Variants in KLF12 observed in about 807,000 individuals in gnomAD.
KLF12 encodes the protein Krueppel-like factor 12.
In KLF12, 9 loss-of-function variants were observed where a neutral mutation model predicts 37.8. The ratio of observed to expected loss-of-function variants is 0.24; its 90% CI spans 0.14 to 0.42. The LOEUF (loss-of-function observed/expected upper bound fraction) is 0.42, where lower values mean the gene tolerates loss of function less well. Among genes scored for constraint, KLF12 ranks in the 10% least tolerant of loss-of-function variants. The pLI, the probability that KLF12 is intolerant of heterozygous loss-of-function variation, is 1.00. For synonymous variants in KLF12, 208 were observed against 202.1 expected (o/e 1.03, Z -0.25); for missense variants, 411 against 516.0 (o/e 0.80, Z 1.97).
chr13:74,267,559 G>T, the KLF12 span, among the ~76,000 whole-genome samples: 1 of 152,194 alleles, frequency 6.6e-6, no homozygotes, highest in African/African-American at 2.4e-5. Context: ...AGAGTAGAAT[G>T]ATGGCTACCA....
At chr13:73,779,791 T>C (rs1880847351) in intron 5 of KLF12, among the ~76,000 whole-genome samples, 1 of 152,208 alleles carries the variant, frequency 6.6e-6, no homozygotes, top group Non-Finnish European at 1.5e-5. Flanking sequence ...TAGCTAGCAT[T>C]AGAATTTAAT....
intron 6 of KLF12, among the ~76,000 whole-genome samples, chr13:73,721,248 A>T (rs1876222760): frequency 6.6e-6 from 1 of 152,244 alleles, no homozygotes; most frequent in Admixed American, 6.5e-5. Context: ...TGAGTGGTTG[A>T]TTCCAGAACT....
chr13:73,953,122 TA>T (rs1457668641), intron 2 of KLF12, among the ~76,000 whole-genome samples: 1 of 152,198 alleles, frequency 6.6e-6, no homozygotes, highest in Non-Finnish European at 1.5e-5. Flanking sequence ...AATCCTCCTA[TA>T]TCCCTCAAAG....
intron 7 of KLF12, among the ~76,000 whole-genome samples, chr13:73,702,277 A>AT (rs1432439256): frequency 6.6e-6 from 1 of 152,180 alleles, no homozygotes; most frequent in Non-Finnish European, 1.5e-5. Flanking sequence ...AAAGAAAAGG[A>AT]TTAAGAGTCA....
At chr13:74,020,790 CT>C (rs1227086448) in intron 1 of KLF12, among the ~76,000 whole-genome samples, 1 of 151,742 alleles carries the variant, frequency 6.6e-6, no homozygotes. Context: ...ACTCGGGAGG[CT>C]GAGGCAGGAG....
At position 73,695,508 on chromosome 13, in the gene KLF12, C is replaced by T; in HGVS notation, c.1191G>A (p.Arg397=). Residue 397 remains arginine, a synonymous_variant, in exon 8 of 8, where the codon CGG becomes CGA. Coordinates refer to ENST00000377669, the MANE Select transcript of KLF12 (RefSeq NM_007249.5). Reference sequence around the variant, plus strand: ...GCATTCCTCACACCAACATATGCCTCCGGCGGTGCAGGGCCAAATGATCTG... The same window carrying T: ...GCATTCCTCACACCAACATATGCCTTCGGCGGTGCAGGGCCAAATGATCTG... 1.2e-5 allele frequency: 19 copies of T among 1,613,922 alleles called. No homozygotes were observed. The highest frequency in any genetic ancestry group is 1.6e-5 in the Non-Finnish European group (19 of 1,179,944).
chr13:74,147,580 G>T, the KLF12 span, among the ~76,000 whole-genome samples: 2 of 152,130 alleles, frequency 1.3e-5, no homozygotes, highest in African/African-American at 2.4e-5. Flanking sequence ...CATGAGTTTC[G>T]AAATGCTCCT....
At chr13:73,898,142 T>C (rs1218951801) in intron 3 of KLF12, among the ~76,000 whole-genome samples, 1 of 152,184 alleles carries the variant, frequency 6.6e-6, no homozygotes, top group Non-Finnish European at 1.5e-5. Context: ...CTCCAAAACC[T>C]GAAGTATTCA....
the KLF12 span, among the ~76,000 whole-genome samples, chr13:74,232,508 C>A: frequency 1.2e-4 from 19 of 152,090 alleles, no homozygotes; most frequent in Non-Finnish European, 4.4e-5. Flanking sequence ...ATATCTTTTT[C>A]CATGCTCTCA....
At chr13:74,102,824 G>A (rs1156485358) in intron 1 of KLF12, among the ~76,000 whole-genome samples, 1 of 152,216 alleles carries the variant, frequency 6.6e-6, no homozygotes, top group Non-Finnish European at 1.5e-5. Flanking sequence ...AGATTGGTGA[G>A]TATGAAAAGA....
chr13:74,057,378 C>G (rs751058339), intron 1 of KLF12, among the ~76,000 whole-genome samples: 1 of 152,184 alleles, frequency 6.6e-6, no homozygotes, highest in Non-Finnish European at 1.5e-5. Flanking sequence ...CGAGAGGGAA[C>G]TGTGACCTCC....
intron 1 of KLF12, among the ~76,000 whole-genome samples, chr13:74,097,229 T>C (rs1876032080): frequency 1.3e-5 from 2 of 152,210 alleles, no homozygotes; most frequent in South Asian, 4.1e-4. Context: ...GGTTTCTTTT[T>C]TGAGTTCCCA....
chr13:74,068,880 A>G (rs533801991), intron 1 of KLF12, among the ~76,000 whole-genome samples: 2 of 152,194 alleles, frequency 1.3e-5, no homozygotes, highest in African/African-American at 4.8e-5. Flanking sequence ...TAATGAAGGT[A>G]TGTATACATC....
the KLF12 span, among the ~76,000 whole-genome samples, chr13:74,170,071 C>T: frequency 6.6e-6 from 1 of 152,074 alleles, no homozygotes. Context: ...TTTTAACATC[C>T]ACATTTACAC....
chr13:73,895,714 T>A (rs763978160), intron 3 of KLF12, among the ~76,000 whole-genome samples: 1 of 151,984 alleles, frequency 6.6e-6, no homozygotes, highest in Non-Finnish European at 1.5e-5. Context: ...CTGACTGAGA[T>A]GGAGGGAATG....
chr13:73,976,637 T>G (rs1216791608), intron 2 of KLF12, among the ~76,000 whole-genome samples: 4 of 152,180 alleles, frequency 2.6e-5, no homozygotes, highest in Non-Finnish European at 5.9e-5. Context: ...CTCCTGCTTA[T>G]AATTTTTTAA....
chr13:74,070,646 A>G (rs998088813), intron 1 of KLF12, among the ~76,000 whole-genome samples: 6 of 152,196 alleles, frequency 3.9e-5, no homozygotes, highest in African/African-American at 1.4e-4. Flanking sequence ...GAAGAAGCTG[A>G]TAAGAGTTCT....
chr13:73,823,311 A>G (rs1883639431), intron 4 of KLF12, among the ~76,000 whole-genome samples: 1 of 152,258 alleles, frequency 6.6e-6, no homozygotes, highest in African/African-American at 2.4e-5. Context: ...CTCGAACTTA[A>G]GTCTGCTTTT....
At chr13:74,134,850 C>CG (rs1401120437), upstream of KLF12, among the ~76,000 whole-genome samples, 3 of 151,974 alleles carry the variant, frequency 2.0e-5, no homozygotes, top group African/African-American at 7.2e-5. Flanking sequence ...CGCACCCGCC[C>CG]GGGTGGGGGC....
Sources: gnomAD v4.1 joint callset for allele counts (sites outside exome capture counted in the v4.1 genomes callset) on GRCh38, gnomAD v4.1.1 for gene constraint, MANE v1.5 for transcripts, NCBI Gene and HGNC (gene_info 2026-07-23, HGNC 2026-07-21) for gene names.